EEF1A2: variants seen among roughly 807,000 people sequenced by gnomAD.
EEF1A2 encodes elongation factor 1-alpha 2.
EEF1A2 carries 5 observed loss-of-function variants against 39.3 expected under a neutral mutation model. The ratio of observed to expected loss-of-function variants is 0.13; its 90% CI spans 0.07 to 0.27. EEF1A2 has a LOEUF of 0.27. Ranked by LOEUF, EEF1A2 falls within the 10% of genes least tolerant of loss-of-function variation. The probability of loss-of-function intolerance (pLI) is 1.00; values close to 1 mark genes in which losing one functional copy is unlikely to be tolerated. For synonymous variants in EEF1A2, 287 were observed against 293.7 expected (o/e 0.98, Z 0.23); for missense variants, 218 against 681.4 (o/e 0.32, Z 7.57).
chr20:63,493,316 T>C (rs2082399797), intron 4 of EEF1A2, 29 bp from the exon 5 acceptor site: 1 of 1,480,398 alleles, frequency 6.8e-7, no homozygotes, highest in Non-Finnish European at 9.0e-7. Flanking sequence ...ATCAATCCGT[T>C]AAGAGACATT....
rs926587478 is a variant in EEF1A2, at chr20:63,497,374, C to G, written c.144+246G>C. ...GAGCCTTCTGCAGACCCTCCCAGGT[C>G]ACCTCCCTCACCACAGGGCAAGTCC... On this transcript the variant is annotated intron_variant, in intron 2 of 7. Coordinates refer to ENST00000217182, the MANE Select transcript of EEF1A2 (RefSeq NM_001958.5). This position sits in a 1 kb window ranked among gnomAD's most constrained non-coding sequence, Gnocchi z 7.3. 2.1e-6 allele frequency: 1 copy of G among 482,116 alleles called. No individual in the cohort carries two copies. Among genetic ancestry groups the G allele is most frequent in the Non-Finnish European group, 3.6e-6 (1 of 279,438 alleles). The allele number at this position is 482,116 out of a possible 1,614,324, so 29.9% of individuals were successfully genotyped here. A position where few individuals can be genotyped will look rare whatever the true frequency, so the allele number is the denominator to read the frequency against.
chr20:63,488,551 C>A, intron 7 of EEF1A2, 126 bp from the exon 8 acceptor site: 1 of 1,267,138 alleles, frequency 7.9e-7, no homozygotes, highest in Non-Finnish European at 1.0e-6. Context: ...GCGCAGAGCG[C>A]GCCCCTGTGA....
At position 63,488,351 on chromosome 20, in the gene EEF1A2, C is replaced by T. The variant is rs934642118; in HGVS notation, c.1339G>A (p.Gly447Ser). ...VIKNVEKKSG[G>S]AGKVTKSAQK... Reference sequence around the variant, plus strand: ...GCCGACTTGGTGACCTTGCCGGCGCCGCCGCTCTTCTTCTCCACGTTCTTG... The same window carrying T: ...GCCGACTTGGTGACCTTGCCGGCGCTGCCGCTCTTCTTCTCCACGTTCTTG... Residue 447 changes from glycine (G) to serine (S), a missense_variant, in exon 8 of 8, where the codon GGC becomes AGC. This residue lies in a region of EEF1A2 where 31 missense variants were observed against 57.0 expected (regional missense o/e 0.54). Transcript: ENST00000217182. 3 of 1,472,654 alleles carry T rather than the reference C, an allele frequency of 2.0e-6. No individual in the cohort carries two copies. Among genetic ancestry groups the T allele is most frequent in the African/African-American group, 2.9e-5 (2 of 67,946 alleles). The allele number at this position is 1,472,654 out of a possible 1,614,324, so 91.2% of individuals were successfully genotyped here.
chr20:63,494,757 G>T (rs1372744807), intron 4 of EEF1A2, 48 bp downstream of exon 4: 1 of 1,573,544 alleles, frequency 6.4e-7, no homozygotes, highest in East Asian at 2.3e-5. Flanking sequence ...TCTGGGCCAG[G>T]GGGTCCAGCC....
In EEF1A2 at chr20:63,496,240, A is replaced by C. The variant is rs532585943; in HGVS notation, c.145-205T>G. 191 of 613,886 alleles carry C rather than the reference A, an allele frequency of 3.1e-4. 2 individuals are homozygous for C. In the East Asian group the frequency reaches 5.4e-3, roughly 17 times the overall value. The allele number at this position is 613,886 out of a possible 1,614,324, so 38.0% of individuals were successfully genotyped here. On this transcript the variant is annotated intron_variant, in intron 2 of 7. Coordinates refer to ENST00000217182, the MANE Select transcript of EEF1A2 (RefSeq NM_001958.5). ...CCTGCCCCCCAGGGCCGGCCTCCGC[A>C]CCTGCTCCGAAATGGGCGCGGCTAC... is the stretch of plus-strand genomic sequence containing the variant.
chr20:63,494,802 C>G lies in EEF1A2; in HGVS notation c.621+3G>C, dbSNP rs1416835246. On this transcript the variant is annotated splice_donor_region_variant and intron_variant, in intron 4 of 7. Transcript: ENST00000217182. ...GGCCCGCCCCGCCCTAGCCGCCACT[C>G]ACGTTGGGGGAGGGCTCCAGCATGT... 6.2e-7 allele frequency: 1 copy of G among 1,606,906 alleles called. No individual in the cohort carries two copies. Among genetic ancestry groups the G allele is most frequent in the Non-Finnish European group, 8.5e-7 (1 of 1,176,206 alleles).
At chr20:63,495,165 G>T in intron 3 of EEF1A2, 64 bp from the exon 4 acceptor site, 1 of 1,564,142 alleles carries the variant, frequency 6.4e-7, no homozygotes, top group Non-Finnish European at 8.6e-7. Flanking sequence ...AGCGAGCCTG[G>T]CCCCACCTCA....
In EEF1A2 at chr20:63,495,104, G is replaced by A; in HGVS notation, c.325-3C>T. ...ACGATCAGCACTGCGCAGTCCGCCT[G>A]CCCGGCAGGGGACACAGTGAGCCCT... On this transcript the variant is annotated splice_polypyrimidine_tract_variant and splice_region_variant and intron_variant, in intron 3 of 7. Coordinates refer to ENST00000217182, the MANE Select transcript of EEF1A2 (RefSeq NM_001958.5). The A allele has an allele frequency of 6.2e-7, 1 of 1,605,816 alleles. No homozygotes were observed. The highest frequency in any genetic ancestry group is 1.1e-5 in the South Asian group (1 of 90,970).
intron 4 of EEF1A2, among the ~76,000 whole-genome samples, 159 bp from the exon 5 acceptor site, chr20:63,493,446 T>C (rs1367338058): frequency 1.3e-5 from 2 of 151,952 alleles, no homozygotes; most frequent in East Asian, 1.9e-4. Flanking sequence ...CCCCAGCCCA[T>C]AGCCCCAGCA....
In EEF1A2 at chr20:63,497,704, C is replaced by T; in HGVS notation, c.60G>A (p.Lys20=). 1 of 1,613,004 alleles carries T rather than the reference C, an allele frequency of 6.2e-7. No homozygotes were observed. Among genetic ancestry groups the T allele is most frequent in the Non-Finnish European group, 8.5e-7 (1 of 1,179,864 alleles). ...AGATGAGGTGGCCCGTGGTGGTGGA[C>T]TTTCCGGAGTCCACGTGGCCGATGA... ...IVVIGHVDSG[K]STTTGHLIYK... is the part of the protein sequence containing the mutation. The change falls in exon 2 of 8, where the codon AAG becomes AAA. Residue 20 remains lysine (K), a synonymous_variant. Coordinates refer to ENST00000217182, the MANE Select transcript of EEF1A2 (RefSeq NM_001958.5). The surrounding 1 kb of genome is among the most constrained non-coding windows in gnomAD (Gnocchi z 7.3).
At position 63,497,589 on chromosome 20, in the gene EEF1A2, G is replaced by C. The variant is rs776003734; in HGVS notation, c.144+31C>G. 1.9e-6 allele frequency: 3 copies of C among 1,594,428 alleles called. No individual in the cohort carries two copies. The South Asian group carries it at 3.4e-5, about 18-fold the overall frequency. ...CACGGGAGTTGGGGGTTCCTTCTCA[G>C]GGGGCCAAGACCATAGCCTGGGGAG... On this transcript the variant is annotated intron_variant, in intron 2 of 7. Coordinates refer to ENST00000217182, the MANE Select transcript of EEF1A2 (RefSeq NM_001958.5). This position sits in a 1 kb window ranked among gnomAD's most constrained non-coding sequence, Gnocchi z 7.3.
chr20:63,493,652 T>A (rs2082402432), intron 4 of EEF1A2, among the ~76,000 whole-genome samples: 1 of 152,170 alleles, frequency 6.6e-6, no homozygotes. Flanking sequence ...GGATGCTGAG[T>A]CTGGCCAAGG....
rs1030740946 is a variant in EEF1A2, at chr20:63,499,040, G to C, written c.-72+18C>G. 6.0e-5 allele frequency: 9 copies of C among 149,724 alleles called. No homozygotes were observed. The highest frequency in any genetic ancestry group is 1.7e-4 in the African/African-American group (7 of 41,090). The allele number at this position is 149,724 out of a possible 1,614,324, so 9.3% of individuals were successfully genotyped here. On this transcript the variant is annotated intron_variant, in intron 1 of 7. Coordinates refer to ENST00000217182, the MANE Select transcript of EEF1A2 (RefSeq NM_001958.5). The stretch of plus-strand genomic sequence containing the variant: ...AGACGGGGGCGGGGGCGGAGGCCCG[G>C]GGGCCGAGCGTCCTTACCCGGAGCC...
rs1362114181 is a variant in EEF1A2, at chr20:63,498,697, G to A, written c.-72+361C>T. 6.6e-6 allele frequency: 1 copy of A among 152,214 alleles called. No individual in the cohort carries two copies. The highest frequency in any genetic ancestry group is 1.5e-5 in the Non-Finnish European group (1 of 68,100). 9.4% of individuals were successfully genotyped at this position (152,214 alleles called of 1,614,324 possible). A position where few individuals can be genotyped will look rare whatever the true frequency, so the allele number is the denominator to read the frequency against. ...GGGAAAGAGGACAGAAGCCACCCTG[G>A]GGTGGGAACACGGGTGGGGGTGGGG... On this transcript the variant is annotated intron_variant, in intron 1 of 7. Coordinates refer to ENST00000217182, the MANE Select transcript of EEF1A2 (RefSeq NM_001958.5). This position sits in a 1 kb window ranked among gnomAD's most constrained non-coding sequence, Gnocchi z 4.1.
In EEF1A2 at chr20:63,497,525, C is replaced by A; in HGVS notation, c.144+95G>T. On this transcript the variant is annotated intron_variant, in intron 2 of 7. Transcript: ENST00000217182. The surrounding 1 kb of genome is among the most constrained non-coding windows in gnomAD (Gnocchi z 7.3). ...CCTGCCCTGGAGGAGGTCACCTGAG[C>A]CCCATGCCCTGGGGCTGGGAGATGC... 1 of 1,530,170 alleles carries A rather than the reference C, an allele frequency of 6.5e-7. No individual in the cohort carries two copies. Among genetic ancestry groups the A allele is most frequent in the Non-Finnish European group, 8.8e-7 (1 of 1,137,444 alleles). 94.8% of individuals were successfully genotyped at this position (1,530,170 alleles called of 1,614,324 possible).
In EEF1A2 at chr20:63,490,774, G is replaced by T. The variant is rs765738067; in HGVS notation, c.773-39C>A. ...GGGGTGTGAGGGGAAGGTGGGGCCC[G>T]AGGGGATGCTGGGGCAGGATATTCG... is the stretch of plus-strand genomic sequence containing the variant. On this transcript the variant is annotated intron_variant, in intron 5 of 7. Transcript: ENST00000217182. The T allele has an allele frequency of 2.5e-6, 4 of 1,572,070 alleles. No homozygotes were observed. In the African/African-American group the frequency reaches 4.0e-5, roughly 16 times the overall value.
chr20:63,490,543 C>T lies in EEF1A2; in HGVS notation c.965G>A (p.Arg322Gln). Residue 322 changes from arginine to glutamine, a missense_variant, in exon 6 of 8, where the codon CGG becomes CAG. Around this residue, in one of 4 missense-constraint regions of EEF1A2, gnomAD observed 80 missense variants for 295.9 expected, o/e 0.27. Coordinates refer to ENST00000217182, the MANE Select transcript of EEF1A2 (RefSeq NM_001958.5). ...CTTGCTGTCCCCACACACGTTGCCC[C>T]GCCGGATGTCCTTCACCGACACGTT... ...VKNVSVKDIR[R>Q]GNVCGDSKSD... 2 of 1,612,766 alleles carry T rather than the reference C, an allele frequency of 1.2e-6. No individual in the cohort carries two copies. The highest frequency in any genetic ancestry group is 2.2e-5 in the East Asian group (1 of 44,872).
intron 5 of EEF1A2, among the ~76,000 whole-genome samples, chr20:63,492,479 TGGATGGATGGATGGACAGAA>T (rs2082391389): frequency 1.3e-5 from 2 of 151,582 alleles, no homozygotes; most frequent in Admixed American, 1.3e-4. Flanking sequence ...GAGAGATGGA[TGGATGGATGGATGGACAGAA>T]GGATGGATGG....
Position 63,489,105 on chromosome 20 carries a change from C to G in EEF1A2, c.1077G>C (p.Pro359=). 1 of 1,612,610 alleles carries G rather than the reference C, an allele frequency of 6.2e-7. No homozygotes were observed. The highest frequency in any genetic ancestry group is 1.1e-5 in the South Asian group (1 of 91,090). Residue 359 remains proline (P), a synonymous_variant, in exon 7 of 8, where the codon CCG becomes CCC. Coordinates refer to ENST00000217182, the MANE Select transcript of EEF1A2 (RefSeq NM_001958.5). ...TGTGGGCTGTGTGGCAGTCGATGAC[C>G]GGGGAGTAGCCGGCGCTAATCTGCC... ...HPGQISAGYS[P]VIDCHTAHIA...
Sources: allele counts gnomAD v4.1 joint callset (sites outside exome capture counted in the v4.1 genomes callset), GRCh38; gene constraint gnomAD v4.1.1; regional missense constraint gnomAD v4.1.1; non-coding constraint Gnocchi (gnomAD v3.1); transcripts MANE v1.5; gene names NCBI Gene and HGNC (gene_info 2026-07-23, HGNC 2026-07-21).